LRRC36: variants seen among roughly 807,000 people sequenced by gnomAD.
LRRC36 encodes leucine-rich repeat-containing protein 36.
A neutral mutation model predicts 81.1 loss-of-function variants in LRRC36; 62 were observed. The ratio of observed to expected loss-of-function variants is 0.76; its 90% CI spans 0.62 to 0.94. The LOEUF (loss-of-function observed/expected upper bound fraction) is 0.94, where lower values mean the gene tolerates loss of function less well. Among genes scored for constraint, LRRC36 ranks in the 40% least tolerant of loss-of-function variants. The probability of loss-of-function intolerance (pLI) is 0.00; values close to 1 mark genes in which losing one functional copy is unlikely to be tolerated. For synonymous variants in LRRC36, 334 were observed against 348.6 expected, an observed-to-expected ratio of 0.96 and a Z score of 0.47; for missense variants, 761 against 881.7, an observed-to-expected ratio of 0.86 and a Z score of 1.73.
At chr16:67,367,573 T>C (rs2039458545) in intron 8 of LRRC36, 116 bp downstream of exon 8, 1 of 932,408 alleles carries the variant, frequency 1.1e-6, no homozygotes, top group African/African-American at 1.7e-5. Flanking sequence ...TAAGTTGTAT[T>C]TTAGGGTCAC....
chr16:67,352,684 TA>T (rs1442530537), intron 5 of LRRC36, among the ~76,000 whole-genome samples: 6 of 145,596 alleles, frequency 4.1e-5, no homozygotes, highest in African/African-American at 1.6e-4. Context: ...TTTATTTATT[TA>T]TTTATTTTTT....
In LRRC36 at chr16:67,367,360, T is replaced by A; in HGVS notation, c.1098T>A (p.Asn366Lys). The A allele has an allele frequency of 6.2e-7, 1 of 1,614,170 alleles. No homozygotes were observed. Among genetic ancestry groups the A allele is most frequent in the Middle Eastern group, 1.6e-4 (1 of 6,062 alleles). ...AAGAGTATAGCATAAAGCCTTCAAA[T>A]GACATAAAGACCACCGCTTCACATT... ...NYQEYSIKPS[N>K]DIKTTASHSC... is the part of the protein sequence containing the mutation. Residue 366 changes from asparagine to lysine, a missense_variant, in exon 8 of 14, where the codon AAT becomes AAA. This residue lies in a region of LRRC36 where 139 missense variants were observed against 214.0 expected (regional missense o/e 0.65). Transcript: ENST00000329956.
intron 6 of LRRC36, among the ~76,000 whole-genome samples, chr16:67,364,886 TC>T (rs2039312950): frequency 6.6e-6 from 1 of 152,210 alleles, no homozygotes; most frequent in African/African-American, 2.4e-5. Context: ...CTGTTTTCCT[TC>T]AGTCCTTGCC....
At chr16:67,363,558 T>C in intron 5 of LRRC36, 32 bp from the exon 6 acceptor site, 1 of 1,611,010 alleles carries the variant, frequency 6.2e-7, no homozygotes, top group East Asian at 2.2e-5. Flanking sequence ...GGTCAGTGAG[T>C]GCTTTATTGT....
At chr16:67,342,520 TGA>T (rs2038138480) in intron 2 of LRRC36, among the ~76,000 whole-genome samples, 1 of 152,130 alleles carries the variant, frequency 6.6e-6, no homozygotes, top group Admixed American at 6.6e-5. Flanking sequence ...GTTGTTATTG[TGA>T]GTTTTTTCTA....
intron 11 of LRRC36, among the ~76,000 whole-genome samples, chr16:67,378,381 G>T (rs1465780276): frequency 6.6e-6 from 1 of 151,204 alleles, no homozygotes; most frequent in African/African-American, 2.4e-5. Flanking sequence ...CTGGGGTTAC[G>T]GGTGCACACC....
At chr16:67,379,187 G>C (rs899684862) in intron 12 of LRRC36, among the ~76,000 whole-genome samples, 7 of 152,156 alleles carry the variant, frequency 4.6e-5, no homozygotes, top group African/African-American at 1.7e-4. Context: ...ACTTTGGGAG[G>C]ACAAAGCAGG....
At chr16:67,382,669 C>T (rs773012814) in intron 13 of LRRC36, among the ~76,000 whole-genome samples, 2 of 152,094 alleles carry the variant, frequency 1.3e-5, no homozygotes, top group Non-Finnish European at 2.9e-5. Flanking sequence ...CAGAGGAGCT[C>T]AACAGCATCA....
Position 67,341,071 on chromosome 16 carries a change from ATG to A in LRRC36, c.71-884_71-883del, listed in dbSNP as rs1250278364. ...ATGTACTCTACATATTCTATAGAAT[ATG>A]TACTCTACATATTCTATAGAATATG... On this transcript the variant is annotated intron_variant, in intron 1 of 13. Coordinates refer to ENST00000329956, the MANE Select transcript of LRRC36 (RefSeq NM_018296.6). 1.6e-3 allele frequency among the ~76,000 whole-genome samples: 190 copies of A among 115,428 alleles called. 31 individuals are homozygous for A. Among genetic ancestry groups the A allele is most frequent in the African/African-American group, 6.4e-3 (177 of 27,522 alleles). The allele number at this position is 115,428 out of a possible 152,430, so 75.7% of individuals were successfully genotyped here. A position where few individuals can be genotyped will look rare whatever the true frequency, so the allele number is the denominator to read the frequency against.
intron 13 of LRRC36, among the ~76,000 whole-genome samples, chr16:67,383,700 T>A (rs1038578212): frequency 1.3e-5 from 2 of 152,256 alleles, no homozygotes; most frequent in Non-Finnish European, 2.9e-5. Flanking sequence ...TAGGGAATTT[T>A]AAAAATAATT....
intron 8 of LRRC36, among the ~76,000 whole-genome samples, chr16:67,368,057 A>G (rs1003609525): frequency 7.2e-4 from 110 of 152,306 alleles, no homozygotes; most frequent in African/African-American, 2.5e-3. Flanking sequence ...CTCCATCTTG[A>G]AAACAAAAAC....
rs768189219 is a variant in LRRC36 at position 67,382,136 on chromosome 16, A to T, written c.1934A>T (p.Asp645Val). 4.3e-6 allele frequency: 7 copies of T among 1,609,832 alleles called. No individual in the cohort carries two copies. The African/African-American group carries it at 9.4e-5, about 22-fold the overall frequency. ...CTGGCTACTGTGCCCTTTGTAGATG[A>T]TCTTCTGCACAAAAACCAACAGCTG... ...VSGQQSHTYD[D>V]LLHKNQQLTM... Residue 645 changes from aspartate (D) to valine (V), a missense_variant, in exon 13 of 14, where the codon GAT (aspartate) becomes GTT (valine). By Grantham distance (152) the Asp-to-Val change is radical. Transcript: ENST00000329956.
chr16:67,371,346 A>C (rs1340079009), intron 9 of LRRC36, 104 bp downstream of exon 9: 1 of 1,357,708 alleles, frequency 7.4e-7, no homozygotes, highest in Non-Finnish European at 1.1e-6. Flanking sequence ...CAGGGCTAGA[A>C]ATTCAAAGAG....
At chr16:67,379,790 A>G (rs1042875959) in intron 12 of LRRC36, among the ~76,000 whole-genome samples, 19 of 152,346 alleles carry the variant, frequency 1.2e-4, no homozygotes, top group Admixed American at 1.2e-3. Context: ...TTTGATCTCA[A>G]TCAAAATACA....
At chr16:67,347,853 A>G (rs2038426833) in intron 4 of LRRC36, among the ~76,000 whole-genome samples, 1 of 152,184 alleles carries the variant, frequency 6.6e-6, no homozygotes, top group Non-Finnish European at 1.5e-5. Flanking sequence ...GGTTATAGAT[A>G]GGGATACTAT....
intron 12 of LRRC36, among the ~76,000 whole-genome samples, chr16:67,379,148 G>T (rs930996731): frequency 6.6e-5 from 10 of 152,152 alleles, no homozygotes; most frequent in African/African-American, 2.4e-4. Context: ...GGCTGGGCAG[G>T]TGCAGTGGCT....
chr16:67,348,510 A>C (rs2038461883), intron 4 of LRRC36: 1 of 151,474 alleles, frequency 6.6e-6, no homozygotes, highest in Non-Finnish European at 1.5e-5. Context: ...CCCAGGCTGG[A>C]GTGCAGTGGT....
Position 67,385,029 on chromosome 16 carries a change from T to C in LRRC36, c.2205T>C (p.His735=). ...STLSSSSPVA[H]ETGQYLIQSV... The stretch of plus-strand genomic sequence containing the variant: ...TGTCTTCCTCCTCACCAGTGGCACA[T>C]GAGACTGGTCAGTATCTAATACAGA... The change falls in exon 14 of 14, where the codon CAT becomes CAC. Residue 735 remains histidine (H), a synonymous_variant. Transcript: ENST00000329956. The C allele has an allele frequency of 6.2e-7, 1 of 1,614,214 alleles. No homozygotes were observed. Among genetic ancestry groups the C allele is most frequent in the Non-Finnish European group, 8.5e-7 (1 of 1,180,032 alleles).
chr16:67,331,068 A>AG lies in LRRC36; in HGVS notation c.70+4136_70+4137insG, dbSNP rs1491228402. ...GGTGCATGTGTGAGATGTGAGAGAG[A>AG]AAGAGAGAGAGAGAGAGAGAGAGAG... On this transcript the variant is annotated intron_variant, in intron 1 of 13. Coordinates refer to ENST00000329956, the MANE Select transcript of LRRC36 (RefSeq NM_018296.6). Among the ~76,000 whole-genome samples the AG allele has an allele frequency of 1.5e-3, 147 of 98,018 alleles. 2 individuals carry two copies. The highest frequency in any genetic ancestry group is 5.0e-3 in the African/African-American group (141 of 28,394). 64.3% of individuals were successfully genotyped at this position (98,018 alleles called of 152,430 possible).
Sources: gnomAD v4.1 joint callset for allele counts (sites outside exome capture counted in the v4.1 genomes callset) on GRCh38, gnomAD v4.1.1 for gene constraint, gnomAD v4.1.1 regional missense constraint, MANE v1.5 for transcripts, NCBI Gene and HGNC (gene_info 2026-07-23, HGNC 2026-07-21) for gene names.